The following FAM178B variants were observed in gnomAD, a reference collection of about 807,000 sequenced individuals.
FAM178B encodes family with sequence similarity 178 member B.
A neutral mutation model predicts 91.7 loss-of-function variants in FAM178B; 82 were observed. The observed-to-expected ratio is 0.89, with a 90% CI of 0.75 to 1.07. The LOEUF is 1.07. FAM178B is among the 50% of genes least tolerant of loss of function. The probability of loss-of-function intolerance (pLI) is 0.00; values close to 1 mark genes in which losing one functional copy is unlikely to be tolerated. For missense variants in FAM178B, 769 were observed against 846.7 expected (o/e 0.91, Z 1.14); for synonymous variants, 368 against 359.4 (o/e 1.02, Z -0.27).
At chr2:96,983,528 C>A (rs1426213682) in intron 1 of FAM178B, among the ~76,000 whole-genome samples, 3 of 152,200 alleles carry the variant, frequency 2.0e-5, no homozygotes, top group Non-Finnish European at 4.4e-5. Flanking sequence ...TGGGATCAAA[C>A]AATCCTCCTG....
chr2:96,892,152 G>A (rs187408591), intron 14 of FAM178B, among the ~76,000 whole-genome samples: 41 of 152,290 alleles, frequency 2.7e-4, no homozygotes, highest in African/African-American at 9.9e-4. Flanking sequence ...GGTGGGAGTG[G>A]AGCCCAGTCA....
intron 8 of FAM178B, among the ~76,000 whole-genome samples, chr2:96,935,040 C>T (rs763278138): frequency 2.0e-5 from 3 of 152,210 alleles, no homozygotes; most frequent in Non-Finnish European, 4.4e-5. Context: ...CTGGTGTCAC[C>T]TAATACCAGC....
rs1470892281 is a variant in FAM178B, at chr2:96,986,330, G to T, written c.-17C>A. ...TGGCCACATAGGGCGGGAAGGGCAG[G>T]GCTCCGGGGTGAGGGAGGGTGGCGG... On this transcript the variant is annotated 5_prime_UTR_variant, in exon 1 of 17. Coordinates refer to ENST00000490605, the MANE Select transcript of FAM178B (RefSeq NM_001122646.3). 1 of 1,532,130 alleles carries T rather than the reference G, an allele frequency of 6.5e-7. No homozygotes were observed. Among genetic ancestry groups the T allele is most frequent in the Non-Finnish European group, 8.7e-7 (1 of 1,146,198 alleles). 94.9% of individuals were successfully genotyped at this position (1,532,130 alleles called of 1,614,324 possible).
At chr2:96,882,928 C>T (rs2080423825) in intron 14 of FAM178B, among the ~76,000 whole-genome samples, 1 of 152,244 alleles carries the variant, frequency 6.6e-6, no homozygotes, top group East Asian at 1.9e-4. Context: ...CATGCCCGGA[C>T]CCAATACTGA....
In FAM178B at chr2:96,878,387, A is replaced by C. The variant is rs758224818; in HGVS notation, c.1854+29T>G. ...GGAGAAGACACAGCTGGGCACCCCC[A>C]CCACAGCCCTGCCCCTTGGGAGACT... On this transcript the variant is annotated intron_variant, in intron 15 of 16. Transcript: ENST00000490605. 3.1e-6 allele frequency: 5 copies of C among 1,605,386 alleles called. No individual in the cohort carries two copies. In the African/African-American group the frequency reaches 6.7e-5, roughly 21 times the overall value.
chr2:96,960,890 C>T (rs1273207228), intron 5 of FAM178B, among the ~76,000 whole-genome samples: 2 of 152,064 alleles, frequency 1.3e-5, no homozygotes, highest in Admixed American at 6.5e-5. Context: ...GTGTCGGGGA[C>T]GGCATCCTGG....
At chr2:96,977,733 T>G (rs546262840) in intron 1 of FAM178B, 4 of 429,678 alleles carry the variant, frequency 9.3e-6, no homozygotes, top group South Asian at 3.3e-5. Context: ...TCCTCCTTTT[T>G]AGATCAGTTT....
intron 11 of FAM178B, 84 bp from the exon 12 acceptor site, chr2:96,921,346 G>A: frequency 6.6e-7 from 1 of 1,510,218 alleles, no homozygotes; most frequent in East Asian, 2.5e-5. Flanking sequence ...AGGGGAGTAA[G>A]TGGGCAGTCA....
intron 4 of FAM178B, among the ~76,000 whole-genome samples, chr2:96,968,958 A>AG (rs2082181951): frequency 1.3e-5 from 2 of 151,910 alleles, no homozygotes; most frequent in South Asian, 4.2e-4. Context: ...TGTCTTATCC[A>AG]CCTTTACATG....
intron 14 of FAM178B, among the ~76,000 whole-genome samples, chr2:96,881,296 G>A (rs1342577752): frequency 1.4e-5 from 2 of 147,152 alleles, no homozygotes; most frequent in Non-Finnish European, 1.5e-5. Context: ...AAAAAAGGAA[G>A]AAGCTGAGGC....
intron 14 of FAM178B, among the ~76,000 whole-genome samples, chr2:96,891,048 G>GAAGCTCTTATAGTCCATAT (rs2080666579): frequency 6.6e-6 from 1 of 152,202 alleles, no homozygotes; most frequent in African/African-American, 2.4e-5. Context: ...ATAGTCCACA[G>GAAGCTCTTATAGTCCATAT]AAGCTCTTAT....
intron 14 of FAM178B, among the ~76,000 whole-genome samples, chr2:96,891,751 G>A (rs898747589): frequency 5.3e-5 from 8 of 152,214 alleles, no homozygotes; most frequent in African/African-American, 1.9e-4. Flanking sequence ...CTGGGCAGAA[G>A]TGTTTATTTG....
chr2:96,969,056 G>C (rs1205691738), intron 4 of FAM178B, among the ~76,000 whole-genome samples: 2 of 152,198 alleles, frequency 1.3e-5, no homozygotes, highest in Non-Finnish European at 2.9e-5. Flanking sequence ...TCCGACTCCG[G>C]GTTAAGTTAG....
At chr2:96,887,209 T>C (rs2080547150) in intron 14 of FAM178B, among the ~76,000 whole-genome samples, 6 of 144,888 alleles carry the variant, frequency 4.1e-5, no homozygotes, top group Admixed American at 1.5e-4. Flanking sequence ...AGCGAGACTC[T>C]ATCTCAAACA....
chr2:96,906,952 C>A (rs536140272), intron 12 of FAM178B, among the ~76,000 whole-genome samples: 1 of 152,172 alleles, frequency 6.6e-6, no homozygotes, highest in Non-Finnish European at 1.5e-5. Context: ...TCACAGCGGG[C>A]GAGGAGGGCC....
chr2:96,878,198 G>T (rs1224750592), intron 15 of FAM178B, among the ~76,000 whole-genome samples, 156 bp from the exon 16 acceptor site: 1 of 152,234 alleles, frequency 6.6e-6, no homozygotes, highest in Non-Finnish European at 1.5e-5. Flanking sequence ...CAGCACAACT[G>T]TTGGGGCTCG....
chr2:96,960,559 C>T lies in FAM178B; in HGVS notation c.735-119G>A, dbSNP rs960859072. 2.7e-5 allele frequency: 33 copies of T among 1,234,468 alleles called. No homozygotes were observed. In the East Asian group the frequency reaches 4.8e-4, roughly 18 times the overall value. 76.5% of individuals were successfully genotyped at this position (1,234,468 alleles called of 1,614,324 possible). ...CGGGCTCCCTGCCTTGCAGTCCTTG[C>T]GGCAAACCAAGGGGACAGCGCCACC... On this transcript the variant is annotated intron_variant, in intron 5 of 16. Transcript: ENST00000490605.
intron 5 of FAM178B, 41 bp downstream of exon 5, chr2:96,967,479 C>A: frequency 7.4e-7 from 1 of 1,348,366 alleles, no homozygotes; most frequent in South Asian, 1.2e-5. Flanking sequence ...GCACCTCAGT[C>A]TTTCCCCTTC....
intron 9 of FAM178B, among the ~76,000 whole-genome samples, chr2:96,928,608 G>A (rs1036694696): frequency 3.3e-5 from 5 of 152,174 alleles, no homozygotes; most frequent in Admixed American, 3.3e-4. Flanking sequence ...GGACTGGGAC[G>A]TGTCTGCAAG....
Sources: gnomAD v4.1 joint callset for allele counts (sites outside exome capture counted in the v4.1 genomes callset) on GRCh38, gnomAD v4.1.1 for gene constraint, MANE v1.5 for transcripts, NCBI Gene and HGNC (gene_info 2026-07-23, HGNC 2026-07-21) for gene names.